The following CDH9 variants were observed in gnomAD, a reference collection of about 807,000 sequenced individuals.
CDH9 encodes the protein cadherin-9.
In CDH9, 28 loss-of-function variants were observed where a neutral mutation model predicts 70.9. The observed-to-expected ratio is 0.40, with a 90% CI of 0.29 to 0.54. The LOEUF (loss-of-function observed/expected upper bound fraction) is 0.54, where lower values mean the gene tolerates loss of function less well. Ranked by LOEUF, CDH9 falls within the 20% of genes least tolerant of loss-of-function variation. CDH9 has a pLI of 0.59. For synonymous variants in CDH9, 409 were observed against 343.1 expected (o/e 1.19, Z -2.12); for missense variants, 874 against 984.4 (o/e 0.89, Z 1.50).
intron 1 of CDH9, among the ~76,000 whole-genome samples, chr5:26,997,026 T>G (rs1742677522): frequency 6.6e-6 from 1 of 152,146 alleles, no homozygotes; most frequent in Middle Eastern, 3.4e-3. Context: ...AAAAATCTAG[T>G]ATCAGAAGAG....
intron 1 of CDH9, among the ~76,000 whole-genome samples, chr5:27,025,980 C>A (rs1266090471): frequency 6.6e-6 from 1 of 151,910 alleles, no homozygotes; most frequent in African/African-American, 2.4e-5. Flanking sequence ...TCACTTATAA[C>A]CAGGAGGCAC....
chr5:26,971,568 G>A (rs1742218793), intron 2 of CDH9, among the ~76,000 whole-genome samples: 2 of 152,088 alleles, frequency 1.3e-5, no homozygotes, highest in Admixed American at 6.6e-5. Flanking sequence ...TCAACTACAT[G>A]GCTGAAATGT....
intron 1 of CDH9, among the ~76,000 whole-genome samples, chr5:27,004,012 A>G (rs917020052): frequency 6.6e-6 from 1 of 151,854 alleles, no homozygotes; most frequent in Admixed American, 6.6e-5. Context: ...TTGTTCTAAA[A>G]AATTACGAAG....
At chr5:26,993,204 G>A (rs1742610596) in intron 1 of CDH9, among the ~76,000 whole-genome samples, 1 of 152,148 alleles carries the variant, frequency 6.6e-6, no homozygotes, top group Non-Finnish European at 1.5e-5. Context: ...TGGAAATGGG[G>A]AACACATTGT....
intron 2 of CDH9, among the ~76,000 whole-genome samples, chr5:26,974,187 A>C (rs920185097): frequency 6.6e-6 from 1 of 152,116 alleles, no homozygotes; most frequent in African/African-American, 2.4e-5. Flanking sequence ...GTGGTTGCAG[A>C]GATGAGATTG....
At chr5:27,003,146 A>G (rs1341342213) in intron 1 of CDH9, among the ~76,000 whole-genome samples, 3 of 152,068 alleles carry the variant, frequency 2.0e-5, no homozygotes, top group African/African-American at 7.2e-5. Flanking sequence ...AAATGTGCCA[A>G]TGGGAATTTC....
At position 26,961,111 on chromosome 5, in the gene CDH9, T is replaced by C. The variant is rs192775669; in HGVS notation, c.228+26995A>G. On this transcript the variant is annotated intron_variant, in intron 2 of 11. Transcript: ENST00000231021. ...ATGGATTAACATTGATTGATAGTCA[T>C]TAATTTTATTTCCTATGTATTTTAA... Among the ~76,000 whole-genome samples the C allele has an allele frequency of 4.6e-5, 7 of 152,060 alleles. No individual in the cohort carries two copies. The East Asian group carries it at 9.6e-4, about 21-fold the overall frequency.
intron 11 of CDH9, among the ~76,000 whole-genome samples, chr5:26,883,222 A>T (rs1740502765): frequency 6.6e-6 from 1 of 150,788 alleles, no homozygotes; most frequent in Admixed American, 6.6e-5. Flanking sequence ...ATTTCTTTCT[A>T]AATTTAATAT....
At chr5:26,904,849 T>C (rs1482380500) in intron 5 of CDH9, among the ~76,000 whole-genome samples, 1 of 152,124 alleles carries the variant, frequency 6.6e-6, no homozygotes, top group African/African-American at 2.4e-5. Flanking sequence ...GTTCTGGGTC[T>C]AGTCCTTAAT....
rs180972849 is a variant in CDH9 at position 26,936,697 on chromosome 5, A to G, written c.229-20773T>C. On this transcript the variant is annotated intron_variant, in intron 2 of 11. Transcript: ENST00000231021. ...GTGGTACTGGTGAATAAGTAAACAA[A>G]TAGATCAATGAAACAGAATACAGAT... Among the ~76,000 whole-genome samples, 5 of 152,236 alleles carry G rather than the reference A, an allele frequency of 3.3e-5. No homozygotes were observed. The East Asian group carries it at 9.7e-4, about 29-fold the overall frequency.
chr5:27,004,090 T>C (rs1213979675), intron 1 of CDH9, among the ~76,000 whole-genome samples: 1 of 143,290 alleles, frequency 7.0e-6, no homozygotes, highest in African/African-American at 2.6e-5. Context: ...TTTGATATTG[T>C]GGTCAAAGAA....
chr5:27,036,036 G>C (rs560861869), intron 1 of CDH9, among the ~76,000 whole-genome samples: 6 of 151,652 alleles, frequency 4.0e-5, no homozygotes, highest in South Asian at 2.1e-4. Context: ...ATTATATGTT[G>C]CCACATTAAT....
intron 11 of CDH9, among the ~76,000 whole-genome samples, chr5:26,884,027 T>A (rs531825238): frequency 6.6e-6 from 1 of 152,240 alleles, no homozygotes; most frequent in South Asian, 2.1e-4. Flanking sequence ...AGTGCTTTAA[T>A]AACTTTGCAA....
At chr5:27,034,861 C>T (rs1405311347) in intron 1 of CDH9, among the ~76,000 whole-genome samples, 2 of 151,508 alleles carry the variant, frequency 1.3e-5, no homozygotes, top group East Asian at 3.9e-4. Flanking sequence ...TAGAAGAGTG[C>T]TATAAAGACA....
At chr5:26,893,666 A>G (rs1030805062) in intron 7 of CDH9, among the ~76,000 whole-genome samples, 1 of 149,088 alleles carries the variant, frequency 6.7e-6, no homozygotes, top group African/African-American at 2.4e-5. Flanking sequence ...AGAATGCATA[A>G]CAGCATATAT....
At chr5:26,965,602 TA>T (rs1362595869) in intron 2 of CDH9, among the ~76,000 whole-genome samples, 1 of 149,282 alleles carries the variant, frequency 6.7e-6, no homozygotes, top group Non-Finnish European at 1.5e-5. Flanking sequence ...ATAATAATAA[TA>T]AATATTTCTC....
At chr5:26,967,609 C>T (rs1369042489) in intron 2 of CDH9, among the ~76,000 whole-genome samples, 2 of 152,070 alleles carry the variant, frequency 1.3e-5, no homozygotes, top group African/African-American at 4.8e-5. Flanking sequence ...ATAAGCCACA[C>T]AAATAAAAAT....
At chr5:26,910,196 C>G (rs1422635046) in intron 3 of CDH9, among the ~76,000 whole-genome samples, 1 of 151,514 alleles carries the variant, frequency 6.6e-6, no homozygotes, top group African/African-American at 2.4e-5. Flanking sequence ...GTAAATGACC[C>G]CAAAACCTAG....
intron 1 of CDH9, among the ~76,000 whole-genome samples, chr5:27,034,369 G>C (rs1743356879): frequency 6.6e-6 from 1 of 151,404 alleles, no homozygotes; most frequent in Non-Finnish European, 1.5e-5. Flanking sequence ...CGATCAATTA[G>C]AGAGATCAAA....
Sources: gnomAD v4.1 joint callset for allele counts (sites outside exome capture counted in the v4.1 genomes callset) on GRCh38, gnomAD v4.1.1 for gene constraint, MANE v1.5 for transcripts, NCBI Gene and HGNC (gene_info 2026-07-23, HGNC 2026-07-21) for gene names.